NRXN3: variants seen among roughly 807,000 people sequenced by gnomAD.
The protein encoded by NRXN3 is neurexin III.
A neutral mutation model predicts 137.6 loss-of-function variants in NRXN3; 32 were observed. That is an observed-to-expected ratio of 0.23 (90% CI 0.18 to 0.31). The LOEUF (loss-of-function observed/expected upper bound fraction) is 0.31, where lower values mean the gene tolerates loss of function less well. Among genes scored for constraint, NRXN3 ranks in the 10% least tolerant of loss-of-function variants. The pLI is 1.00. For synonymous variants in NRXN3, 798 were observed against 784.5 expected, an observed-to-expected ratio of 1.02 and a Z score of -0.29; for missense variants, 1,574 against 2,062.5, an observed-to-expected ratio of 0.76 and a Z score of 4.59.
chr14:78,551,250 C>T (rs2096685819), intron 4 of NRXN3, among the ~76,000 whole-genome samples: 1 of 152,122 alleles, frequency 6.6e-6, no homozygotes, highest in African/African-American at 2.4e-5. Flanking sequence ...TGCTGTATTC[C>T]TATCTATGAA....
At chr14:78,374,384 A>C (rs2087425651) in intron 4 of NRXN3, among the ~76,000 whole-genome samples, 1 of 152,234 alleles carries the variant, frequency 6.6e-6, no homozygotes, top group Non-Finnish European at 1.5e-5. Context: ...ATTAAGTTAT[A>C]CCTGGGAGTT....
At chr14:78,805,317 T>C (rs2098856903) in intron 9 of NRXN3, among the ~76,000 whole-genome samples, 1 of 152,158 alleles carries the variant, frequency 6.6e-6, no homozygotes. Flanking sequence ...TTTCTTTTGC[T>C]GGATCTTTTT....
chr14:78,816,628 A>G (rs1050302750), intron 10 of NRXN3, among the ~76,000 whole-genome samples: 20 of 152,224 alleles, frequency 1.3e-4, no homozygotes, highest in African/African-American at 4.8e-4. Context: ...TTTGTTCATT[A>G]GTTAATGCAT....
At chr14:79,276,302 C>T (rs1281040757) in intron 15 of NRXN3, among the ~76,000 whole-genome samples, 1 of 152,056 alleles carries the variant, frequency 6.6e-6, no homozygotes, top group East Asian at 1.9e-4. Context: ...GGATAAGAAA[C>T]ACATGAAAAA....
intron 4 of NRXN3, among the ~76,000 whole-genome samples, chr14:78,313,174 G>A (rs1053461482): frequency 1.3e-5 from 2 of 152,050 alleles, no homozygotes; most frequent in African/African-American, 4.8e-5. Flanking sequence ...AAAATTATAG[G>A]AAAAAAATAC....
At chr14:79,689,230 C>T (rs1321938252) in intron 17 of NRXN3, among the ~76,000 whole-genome samples, 1 of 151,964 alleles carries the variant, frequency 6.6e-6, no homozygotes, top group Non-Finnish European at 1.5e-5. Context: ...GACTGAATAT[C>T]ATTAAAGATT....
intron 10 of NRXN3, among the ~76,000 whole-genome samples, chr14:78,845,796 TA>T (rs1376169119): frequency 6.6e-6 from 1 of 152,030 alleles, no homozygotes; most frequent in Non-Finnish European, 1.5e-5. Context: ...ATCTGATCTA[TA>T]GAAAAAATAT....
At chr14:79,211,440 C>A (rs571142248) in intron 15 of NRXN3, among the ~76,000 whole-genome samples, 21 of 152,266 alleles carry the variant, frequency 1.4e-4, no homozygotes, top group African/African-American at 4.6e-4. Flanking sequence ...TATTACATCC[C>A]TACTGTGTAC....
chr14:79,415,738 T>C (rs2095487835), intron 15 of NRXN3, among the ~76,000 whole-genome samples: 1 of 152,148 alleles, frequency 6.6e-6, no homozygotes, highest in Non-Finnish European at 1.5e-5. Flanking sequence ...AATGTAGCAT[T>C]GAGCCTATGT....
At chr14:78,405,771 A>T (rs1294830539) in intron 4 of NRXN3, among the ~76,000 whole-genome samples, 1 of 152,052 alleles carries the variant, frequency 6.6e-6, no homozygotes, top group Non-Finnish European at 1.5e-5. Flanking sequence ...ATTTCATTCA[A>T]CCCATACAAA....
At chr14:79,626,470 G>A (rs143353764) in intron 16 of NRXN3, among the ~76,000 whole-genome samples, 14 of 150,566 alleles carry the variant, frequency 9.3e-5, no homozygotes, top group Admixed American at 2.6e-4. Context: ...AATACTCAAT[G>A]TAGTTTTAAA....
At chr14:79,827,694 T>G (rs1197229680) in intron 20 of NRXN3, among the ~76,000 whole-genome samples, 1 of 1,528 alleles carries the variant, frequency 6.5e-4, no homozygotes, top group Admixed American at 5.8e-3. Flanking sequence ...CCACAAACTT[T>G]TTTTTTTTTT....
At chr14:79,546,504 T>TCAAA (rs2097322058) in intron 16 of NRXN3, among the ~76,000 whole-genome samples, 1 of 152,192 alleles carries the variant, frequency 6.6e-6, no homozygotes, top group South Asian at 2.1e-4. Context: ...GTAAGATGTT[T>TCAAA]GAGTTTCAAA....
intron 10 of NRXN3, among the ~76,000 whole-genome samples, chr14:78,855,987 T>C (rs2099056078): frequency 6.6e-6 from 1 of 152,194 alleles, no homozygotes; most frequent in African/African-American, 2.4e-5. Flanking sequence ...CACTTTACCA[T>C]CTTTCTGGGT....
chr14:78,548,419 T>G (rs1366110271), intron 4 of NRXN3, among the ~76,000 whole-genome samples: 5 of 152,112 alleles, frequency 3.3e-5, no homozygotes, highest in Admixed American at 3.3e-4. Flanking sequence ...ACGGCCCCAC[T>G]AGACTCTACC....
At chr14:79,768,019 C>A (rs1008347510) in intron 19 of NRXN3, among the ~76,000 whole-genome samples, 3 of 152,176 alleles carry the variant, frequency 2.0e-5, no homozygotes, top group Admixed American at 6.5e-5. Context: ...ACAGACGGCA[C>A]CTGGAAAATT....
At chr14:78,257,423 T>C (rs1269171494) in intron 2 of NRXN3, among the ~76,000 whole-genome samples, 1 of 152,244 alleles carries the variant, frequency 6.6e-6, no homozygotes, top group African/African-American at 2.4e-5. Flanking sequence ...AGAGTTGCTC[T>C]AATAGCAGGT....
At chr14:78,807,525 C>T (rs1161436022) in intron 9 of NRXN3, among the ~76,000 whole-genome samples, 3 of 152,076 alleles carry the variant, frequency 2.0e-5, no homozygotes, top group Admixed American at 6.5e-5. Flanking sequence ...CAGCCCATCA[C>T]GAGGTCAGGA....
At chr14:79,294,168 G>A (rs951948833) in intron 15 of NRXN3, among the ~76,000 whole-genome samples, 4 of 152,128 alleles carry the variant, frequency 2.6e-5, no homozygotes, top group Non-Finnish European at 4.4e-5. Flanking sequence ...TGGTTTTTCC[G>A]TGATTATTTT....
Sources: allele counts gnomAD v4.1 joint callset (sites outside exome capture counted in the v4.1 genomes callset), GRCh38; gene constraint gnomAD v4.1.1; transcripts MANE v1.5; gene names NCBI Gene and HGNC (gene_info 2026-07-23, HGNC 2026-07-21).